Variants in CYRIB observed in about 807,000 individuals in gnomAD.
The protein encoded by CYRIB is CYFIP related Rac1 interactor B, also known as CYFIP-related Rac1 interactor B.
CYRIB carries 8 observed loss-of-function variants against 44.2 expected under a neutral mutation model. That is an observed-to-expected ratio of 0.18 (90% CI 0.11 to 0.33). CYRIB has a LOEUF of 0.33. CYRIB is among the 10% of genes least tolerant of loss of function. The probability of loss-of-function intolerance (pLI) is 1.00; values close to 1 mark genes in which losing one functional copy is unlikely to be tolerated. For synonymous variants in CYRIB, 131 were observed against 127.2 expected (o/e 1.03, Z -0.20); for missense variants, 185 against 382.8 (o/e 0.48, Z 4.31).
At chr8:129,937,699 C>T (rs964762821) in intron 1 of CYRIB, among the ~76,000 whole-genome samples, 49 of 152,294 alleles carry the variant, frequency 3.2e-4, no homozygotes, top group Middle Eastern at 3.4e-3. Flanking sequence ...CTCTGATCAA[C>T]CAACCACTTT....
intron 1 of CYRIB, among the ~76,000 whole-genome samples, chr8:129,991,304 G>T (rs1217066952): frequency 7.3e-6 from 1 of 137,650 alleles, no homozygotes; most frequent in Non-Finnish European, 1.6e-5. Context: ...ATGGACATTT[G>T]AAAGTCTTCT....
intron 4 of CYRIB, among the ~76,000 whole-genome samples, chr8:129,867,892 T>C (rs1380386844): frequency 6.6e-6 from 1 of 152,192 alleles, no homozygotes; most frequent in Non-Finnish European, 1.5e-5. Flanking sequence ...TTTTTTTAAA[T>C]ATACTTCAAA....
intron 2 of CYRIB, among the ~76,000 whole-genome samples, chr8:129,951,803 T>C (rs939663796): frequency 2.0e-5 from 3 of 152,214 alleles, no homozygotes; most frequent in Non-Finnish European, 4.4e-5. Context: ...TTCCATAACA[T>C]TTGTCACCTC....
intron 2 of CYRIB, among the ~76,000 whole-genome samples, chr8:129,952,385 T>C (rs1591002412): frequency 6.6e-6 from 1 of 152,236 alleles, no homozygotes; most frequent in East Asian, 1.9e-4. Context: ...TAATTATGTA[T>C]ATTACATGTA....
At chr8:129,875,678 C>T (rs1184337934) in intron 3 of CYRIB, among the ~76,000 whole-genome samples, 1 of 152,200 alleles carries the variant, frequency 6.6e-6, no homozygotes, top group Non-Finnish European at 1.5e-5. Flanking sequence ...CAAGACTAAA[C>T]GTCTAACTGA....
chr8:129,977,093 C>T (rs1324971207), intron 1 of CYRIB, among the ~76,000 whole-genome samples: 8 of 152,180 alleles, frequency 5.3e-5, no homozygotes, highest in African/African-American at 9.7e-5. Flanking sequence ...CCACCCACCT[C>T]GGCCTCCCAA....
At chr8:129,913,251 G>T (rs751726223) in intron 1 of CYRIB, among the ~76,000 whole-genome samples, 22 of 152,100 alleles carry the variant, frequency 1.4e-4, no homozygotes, top group African/African-American at 5.3e-4. Context: ...GATTACAGGC[G>T]TGAGCCACCC....
chr8:129,994,272 G>A (rs112374684), intron 1 of CYRIB, among the ~76,000 whole-genome samples: 9 of 151,572 alleles, frequency 5.9e-5, no homozygotes, highest in East Asian at 5.8e-4. Flanking sequence ...CAGAAGCTGG[G>A]GGGGGTGGCA....
intron 2 of CYRIB, among the ~76,000 whole-genome samples, chr8:129,889,029 T>C (rs769197057): frequency 6.6e-6 from 1 of 152,094 alleles, no homozygotes; most frequent in African/African-American, 2.4e-5. Context: ...GAGGCAGAGG[T>C]TGCAGTGAGC....
At chr8:129,892,487 T>G (rs948275959) in intron 2 of CYRIB, among the ~76,000 whole-genome samples, 10 of 152,202 alleles carry the variant, frequency 6.6e-5, no homozygotes, top group African/African-American at 1.7e-4. Flanking sequence ...TTTTTTTTTT[T>G]TGTGGAGTAG....
intron 2 of CYRIB, among the ~76,000 whole-genome samples, chr8:129,886,926 CT>C (rs1244152067): frequency 6.6e-6 from 1 of 152,194 alleles, no homozygotes; most frequent in African/African-American, 2.4e-5. Context: ...GCAAAGCACT[CT>C]TTTAAACATA....
chr8:129,967,659 G>A (rs1024760391), intron 2 of CYRIB, among the ~76,000 whole-genome samples: 1 of 152,126 alleles, frequency 6.6e-6, no homozygotes, highest in Non-Finnish European at 1.5e-5. Flanking sequence ...GATTACAGGC[G>A]TGAGCCACCG....
At chr8:130,006,081 T>A (rs1309177703) in intron 1 of CYRIB, among the ~76,000 whole-genome samples, 1 of 152,166 alleles carries the variant, frequency 6.6e-6, no homozygotes, top group Middle Eastern at 3.2e-3. Flanking sequence ...GGCAGGCAGA[T>A]CACTTGAGGT....
intron 1 of CYRIB, among the ~76,000 whole-genome samples, chr8:129,916,699 T>A (rs2080957910): frequency 6.6e-6 from 1 of 152,250 alleles, no homozygotes; most frequent in African/African-American, 2.4e-5. Flanking sequence ...TCAATCCCTA[T>A]AATTCTAAAG....
intron 1 of CYRIB, among the ~76,000 whole-genome samples, chr8:129,905,715 T>C (rs2074966658): frequency 6.6e-6 from 1 of 152,168 alleles, no homozygotes; most frequent in Non-Finnish European, 1.5e-5. Context: ...ACCACTTTTA[T>C]AAACCACAGC....
intron 1 of CYRIB, among the ~76,000 whole-genome samples, chr8:129,911,123 G>A (rs2077776124): frequency 1.3e-5 from 2 of 152,138 alleles, no homozygotes; most frequent in South Asian, 2.1e-4. Flanking sequence ...ATAAAGTGAG[G>A]TACAGTCTTT....
chr8:129,849,480 A>T (rs2042121683), intron 9 of CYRIB, 111 bp from the exon 12 acceptor site: 1 of 1,041,620 alleles, frequency 9.6e-7, no homozygotes, highest in African/African-American at 1.6e-5. Flanking sequence ...ATTTCTATCC[A>T]TTAGTTGAAT....
chr8:129,886,148 T>C (rs1418679671), intron 2 of CYRIB, among the ~76,000 whole-genome samples: 1 of 152,188 alleles, frequency 6.6e-6, no homozygotes, highest in Non-Finnish European at 1.5e-5. Flanking sequence ...TCTGTAGCTG[T>C]TTCTTTCCAC....
chr8:129,881,447 T>A (rs1387824462), intron 2 of CYRIB, among the ~76,000 whole-genome samples: 1 of 152,224 alleles, frequency 6.6e-6, no homozygotes, highest in African/African-American at 2.4e-5. Context: ...ACTCTCATTA[T>A]AAGAAGCTTG....
Sources: gnomAD v4.1 joint callset for allele counts (sites outside exome capture counted in the v4.1 genomes callset) on GRCh38, gnomAD v4.1.1 for gene constraint, MANE v1.5 for transcripts, NCBI Gene and HGNC (gene_info 2026-07-23, HGNC 2026-07-21) for gene names.